TUBB8: variants seen among roughly 807,000 people sequenced by gnomAD.
The protein encoded by TUBB8 is tubulin beta-8 chain.
A neutral mutation model predicts 33.7 loss-of-function variants in TUBB8; 25 were observed. The observed-to-expected ratio is 0.74, with a 90% CI of 0.54 to 1.04. The LOEUF is 1.04. Ranked by LOEUF, TUBB8 falls within the 50% of genes least tolerant of loss-of-function variation. The pLI, the probability that TUBB8 is intolerant of heterozygous loss-of-function variation, is 0.00. For synonymous variants in TUBB8, 245 were observed against 240.1 expected (o/e 1.02, Z -0.19); for missense variants, 279 against 608.0 (o/e 0.46, Z 5.69).
At chr10:70,704 G>A (rs1384588238) in intron 1 of TUBB8, among the ~76,000 whole-genome samples, 2 of 151,988 alleles carry the variant, frequency 1.3e-5, no homozygotes, top group Non-Finnish European at 2.9e-5. Flanking sequence ...GCCAGGCATG[G>A]TGGCGCAGAC....
chr10:68,628 T>C, intron 1 of TUBB8, among the ~76,000 whole-genome samples: 1 of 152,258 alleles, frequency 6.6e-6, no homozygotes, highest in East Asian at 1.9e-4. Context: ...TTCATACTTC[T>C]AGGAATCTTG....
rs1554738553 is a variant in TUBB8 at position 48,020 on chromosome 10, A to T, written c.372T>A (p.Ala124=). The change falls in exon 4 of 4, where the codon GCT becomes GCA. Residue 124 remains alanine (A), a synonymous_variant. Transcript: ENST00000568584. Reference sequence around the variant, plus strand: ...AACCCTGCAGGCAGTCACAGCTCTCAGCCTCCTTTCTGACAACGTCCATCA... The same window carrying T: ...AACCCTGCAGGCAGTCACAGCTCTCTGCCTCCTTTCTGACAACGTCCATCA... The part of the protein sequence containing the change: ...ESVMDVVRKE[A]ESCDCLQGFQ... 1.2e-6 allele frequency: 2 copies of T among 1,613,956 alleles called. No individual in the cohort carries two copies.
intron 1 of TUBB8, among the ~76,000 whole-genome samples, chr10:55,164 T>G (rs1359548441): frequency 6.6e-6 from 1 of 152,190 alleles, no homozygotes; most frequent in African/African-American, 2.4e-5. Flanking sequence ...CAGGCACCTC[T>G]TCCATGACAG....
upstream of TUBB8, among the ~76,000 whole-genome samples, chr10:51,896 A>C (rs1424234376): frequency 7.2e-5 from 11 of 152,218 alleles, no homozygotes; most frequent in South Asian, 2.1e-4. Flanking sequence ...AGGATCGCTA[A>C]GGAAAGTAAA....
In TUBB8 at chr10:47,453, C is replaced by T. The variant is rs782168299; in HGVS notation, c.939G>A (p.Ala313=). Reference sequence around the variant, plus strand: ...GCATGCGACCCCTGAAAATGGCAGCCGCCGTTAGGTAGCGGCCGTGACGGG... The same window carrying T: ...GCATGCGACCCCTGAAAATGGCAGCTGCCGTTAGGTAGCGGCCGTGACGGG... The part of the protein sequence containing the change: ...CDPRHGRYLT[A]AAIFRGRMPM... The change falls in exon 4 of 4, where the codon GCG becomes GCA. Residue 313 remains alanine (A), a synonymous_variant. Transcript: ENST00000568584. 17 of 1,612,102 alleles carry T rather than the reference C, an allele frequency of 1.1e-5. No homozygotes were observed. The highest frequency in any genetic ancestry group is 2.7e-5 in the African/African-American group (2 of 74,890).
upstream of TUBB8, chr10:49,682 A>C (rs1385346647): frequency 2.3e-6 from 1 of 428,252 alleles, no homozygotes; most frequent in African/African-American, 2.0e-5. Context: ...GTGGTTAGGA[A>C]AGGCCTTCCA....
intron 1 of TUBB8, among the ~76,000 whole-genome samples, chr10:62,879 T>G (rs1425218825): frequency 6.6e-6 from 1 of 152,244 alleles, no homozygotes; most frequent in Non-Finnish European, 1.5e-5. Context: ...TTCCACTGAA[T>G]GTTATTTGTG....
At chr10:67,337 A>G (rs1315379202) in intron 1 of TUBB8, among the ~76,000 whole-genome samples, 2 of 152,252 alleles carry the variant, frequency 1.3e-5, no homozygotes, top group Non-Finnish European at 1.5e-5. Flanking sequence ...CAGTTCGTGA[A>G]TATGAGGTGT....
At position 49,245 on chromosome 10, in the gene TUBB8, G is replaced by C; in HGVS notation, c.-7C>G. On this transcript the variant is annotated 5_prime_UTR_variant, in exon 1 of 4. Transcript: ENST00000568584. ...TGAGCACGATCTCCCTCATGGCCAA[G>C]GCGGGATTAGGACGGCAGGAGAAAC... The C allele has an allele frequency of 6.3e-7, 1 of 1,582,184 alleles. No individual in the cohort carries two copies. Among genetic ancestry groups the C allele is most frequent in the Non-Finnish European group, 8.6e-7 (1 of 1,164,652 alleles).
At chr10:64,502 C>A (rs1371348827) in intron 1 of TUBB8, among the ~76,000 whole-genome samples, 4 of 152,084 alleles carry the variant, frequency 2.6e-5, no homozygotes, top group Admixed American at 2.6e-4. Flanking sequence ...TAACCCTCAC[C>A]CTCACCCTCA....
At chr10:54,159 C>T (rs1394177052), upstream of TUBB8, among the ~76,000 whole-genome samples, 3 of 152,212 alleles carry the variant, frequency 2.0e-5, no homozygotes, top group Non-Finnish European at 2.9e-5. Flanking sequence ...TTTTTGTACC[C>T]ATTTCACATC....
chr10:59,968 A>T (rs1554740660), intron 1 of TUBB8, among the ~76,000 whole-genome samples: 1 of 152,110 alleles, frequency 6.6e-6, no homozygotes, highest in African/African-American at 2.4e-5. Context: ...CGTTACTTGT[A>T]AAGTCTCCTT....
chr10:48,951 G>A (rs1461192799), intron 1 of TUBB8, 39 bp from the exon 2 acceptor site: 7 of 1,403,908 alleles, frequency 5.0e-6, no homozygotes, highest in East Asian at 2.5e-5. Context: ...CCGGGGCTGA[G>A]TCAGGGAGGC....
At chr10:60,935 A>G (rs1414865425) in intron 1 of TUBB8, among the ~76,000 whole-genome samples, 1 of 152,072 alleles carries the variant, frequency 6.6e-6, no homozygotes, top group Non-Finnish European at 1.5e-5. Flanking sequence ...AGGGACATGG[A>G]TGAAACTGGA....
chr10:66,033 C>T (rs1834666386), intron 1 of TUBB8, among the ~76,000 whole-genome samples: 1 of 152,234 alleles, frequency 6.6e-6, no homozygotes, highest in Non-Finnish European at 1.5e-5. Flanking sequence ...TTAGCACAAT[C>T]TCCATTGTCA....
At position 47,435 on chromosome 10, in the gene TUBB8, A is replaced by G. The variant is rs1554738082; in HGVS notation, c.957T>C (p.Gly319=). 6.2e-7 allele frequency: 1 copy of G among 1,611,674 alleles called. No homozygotes were observed. Among genetic ancestry groups the G allele is most frequent in the East Asian group, 2.2e-5 (1 of 44,880 alleles). ...RYLTAAAIFR[G]RMPMREVDEQ... is the part of the protein sequence containing the mutation. Reference sequence around the variant, plus strand: ...CATCCACCTCCCTCATGGGCATGCGACCCCTGAAAATGGCAGCCGCCGTTA... The same window carrying G: ...CATCCACCTCCCTCATGGGCATGCGGCCCCTGAAAATGGCAGCCGCCGTTA... Residue 319 remains glycine (G), a synonymous_variant, in exon 4 of 4, where the codon GGT becomes GGC. Coordinates refer to ENST00000568584, the MANE Select transcript of TUBB8 (RefSeq NM_177987.3).
At position 47,106 on chromosome 10, in the gene TUBB8, G is replaced by A. The variant is rs376101781; in HGVS notation, c.1286C>T (p.Thr429Met). ...CTCCTCATCCTCCTCCTCCTCGGCC[G>A]TGGCATCCTGATATTGCTGATATTC... is the stretch of plus-strand genomic sequence containing the variant. ...VSEYQQYQDA[T>M]AEEEEDEEYA... is the part of the protein sequence containing the mutation. Residue 429 changes from threonine to methionine, a missense_variant, in exon 4 of 4, where the codon ACG becomes ATG. By Grantham distance (81) the Thr-to-Met change is moderately conservative (BLOSUM62 -1). Coordinates refer to ENST00000568584, the MANE Select transcript of TUBB8 (RefSeq NM_177987.3). The A allele has an allele frequency of 1.4e-5, 20 of 1,474,574 alleles. No homozygotes were observed. Among genetic ancestry groups the A allele is most frequent in the Middle Eastern group, 2.4e-4 (1 of 4,214 alleles). The allele number at this position is 1,474,574 out of a possible 1,614,324, so 91.3% of individuals were successfully genotyped here.
chr10:46,817 C>G (rs1381968140), downstream of TUBB8: 4 of 433,906 alleles, frequency 9.2e-6, no homozygotes, highest in African/African-American at 8.3e-5. Context: ...ACAGCTTCCG[C>G]CTTGCAGGAC....
Position 47,087 on chromosome 10 carries a change from A to C in TUBB8, c.1305T>G (p.Asp435Glu), listed in dbSNP as rs571068623. 219 of 1,348,906 alleles carry C rather than the reference A, an allele frequency of 1.6e-4. No homozygotes were observed. The highest frequency in any genetic ancestry group is 8.6e-4 in the East Asian group (37 of 43,226). 83.6% of individuals were successfully genotyped at this position (1,348,906 alleles called of 1,614,324 possible). ...CCACCTCCTCCTCGGCATACTCCTCATCCTCCTCCTCCTCGGCCGTGGCAT... is the reference window on the plus strand; with the variant it reads ...CCACCTCCTCCTCGGCATACTCCTCCTCCTCCTCCTCCTCGGCCGTGGCAT... ...YQDATAEEEE[D>E]EEYAEEEVA is the part of the protein sequence containing the mutation. Residue 435 changes from aspartate to glutamate, a missense_variant, in exon 4 of 4, where the codon GAT becomes GAG. This residue lies in a region of TUBB8 where 123 missense variants were observed against 228.9 expected (regional missense o/e 0.54). Transcript: ENST00000568584.
Sources: allele counts gnomAD v4.1 joint callset (sites outside exome capture counted in the v4.1 genomes callset), GRCh38; gene constraint gnomAD v4.1.1; regional missense constraint gnomAD v4.1.1; transcripts MANE v1.5; gene names NCBI Gene and HGNC (gene_info 2026-07-23, HGNC 2026-07-21).